The following DLG2 variants were observed in gnomAD, a reference collection of about 807,000 sequenced individuals.
The protein encoded by DLG2 is disks large homolog 2.
In DLG2, 45 loss-of-function variants were observed where a neutral mutation model predicts 132.5. That is an observed-to-expected ratio of 0.34 (90% confidence interval 0.27 to 0.44). DLG2 has a LOEUF of 0.44. Ranked by LOEUF, DLG2 falls within the 20% of genes least tolerant of loss-of-function variation. The pLI is 1.00. For synonymous variants in DLG2, 424 were observed against 419.6 expected (o/e 1.01, Z -0.13); for missense variants, 1,045 against 1,196.9 (o/e 0.87, Z 1.87).
chr11:84,840,780 G>A (rs368957451), intron 6 of DLG2, among the ~76,000 whole-genome samples: 9 of 151,990 alleles, frequency 5.9e-5, no homozygotes, highest in East Asian at 1.9e-4. Flanking sequence ...TCATAGCTGG[G>A]AATTGAACAA....
intron 6 of DLG2, among the ~76,000 whole-genome samples, chr11:84,792,798 G>C (rs184105376): frequency 5.2e-4 from 79 of 151,982 alleles, no homozygotes; most frequent in Non-Finnish European, 1.9e-4. Context: ...TTATTTATTT[G>C]GGTCTTCTCT....
chr11:84,114,818 A>G (rs2154195641), intron 9 of DLG2, among the ~76,000 whole-genome samples: 1 of 142,418 alleles, frequency 7.0e-6, no homozygotes, highest in African/African-American at 2.5e-5. Context: ...CAAACCATGA[A>G]GCCTGGCTAT....
chr11:84,991,482 C>T (rs1361806713), intron 6 of DLG2, among the ~76,000 whole-genome samples: 1 of 132,892 alleles, frequency 7.5e-6, no homozygotes, highest in Non-Finnish European at 1.5e-5. Context: ...ACATTTCAGC[C>T]TGGGCAACAG....
At chr11:84,625,039 T>C (rs2099620243) in intron 6 of DLG2, among the ~76,000 whole-genome samples, 1 of 149,766 alleles carries the variant, frequency 6.7e-6, no homozygotes, top group Admixed American at 6.6e-5. Flanking sequence ...TTTTTGTATT[T>C]TTAGTAGAGA....
chr11:84,976,603 T>C (rs1243674520), intron 6 of DLG2, among the ~76,000 whole-genome samples: 1 of 152,226 alleles, frequency 6.6e-6, no homozygotes, highest in Non-Finnish European at 1.5e-5. Context: ...CAAGGGTTTC[T>C]AGACTTCTAT....
At chr11:85,037,267 T>A (rs1195467565) in intron 6 of DLG2, among the ~76,000 whole-genome samples, 1 of 152,098 alleles carries the variant, frequency 6.6e-6, no homozygotes, top group Admixed American at 6.5e-5. Context: ...TGGTGGAAAA[T>A]GTATAGGCTT....
At chr11:83,474,710 A>C (rs1478509265) in intron 22 of DLG2, among the ~76,000 whole-genome samples, 2 of 152,104 alleles carry the variant, frequency 1.3e-5, no homozygotes, top group African/African-American at 4.8e-5. Flanking sequence ...CAGTCATGGG[A>C]AACAGGATGA....
chr11:85,069,626 T>G (rs1455810068), intron 6 of DLG2, among the ~76,000 whole-genome samples: 1 of 152,158 alleles, frequency 6.6e-6, no homozygotes, highest in Non-Finnish European at 1.5e-5. Context: ...ACCGTTAGAA[T>G]GGCAATCATT....
intron 11 of DLG2, among the ~76,000 whole-genome samples, chr11:84,008,878 G>C (rs2094718681): frequency 6.6e-6 from 1 of 151,036 alleles, no homozygotes; most frequent in African/African-American, 2.4e-5. Flanking sequence ...TCTCTTCTTT[G>C]TGCAGTTACA....
At chr11:85,428,797 T>TGCTTTTC (rs2090961627) in intron 3 of DLG2, among the ~76,000 whole-genome samples, 2 of 151,694 alleles carry the variant, frequency 1.3e-5, no homozygotes, top group Admixed American at 1.3e-4. Context: ...CTGAAGGAGA[T>TGCTTTTC]AGAGACACAA....
At chr11:84,876,715 C>T (rs1034530356) in intron 6 of DLG2, among the ~76,000 whole-genome samples, 1 of 152,040 alleles carries the variant, frequency 6.6e-6, no homozygotes, top group African/African-American at 2.4e-5. Flanking sequence ...TATTTCTTGT[C>T]TTCTGCTAGC....
chr11:84,532,582 A>G (rs1048235208), intron 7 of DLG2, among the ~76,000 whole-genome samples: 2 of 151,988 alleles, frequency 1.3e-5, no homozygotes, highest in African/African-American at 4.8e-5. Context: ...TCCAGCCTCA[A>G]CTTCCTGGGC....
At chr11:83,795,024 T>C (rs758077796) in intron 17 of DLG2, among the ~76,000 whole-genome samples, 2 of 152,218 alleles carry the variant, frequency 1.3e-5, no homozygotes, top group Admixed American at 6.5e-5. Context: ...TTAGATCATG[T>C]AGGGCTAAAG....
At chr11:84,583,106 T>C (rs529513018) in intron 6 of DLG2, among the ~76,000 whole-genome samples, 11 of 152,332 alleles carry the variant, frequency 7.2e-5, no homozygotes, top group South Asian at 6.2e-4. Flanking sequence ...CATTTCATCA[T>C]TGAAATACTC....
At chr11:84,792,426 A>T (rs2073989985) in intron 6 of DLG2, among the ~76,000 whole-genome samples, 1 of 152,106 alleles carries the variant, frequency 6.6e-6, no homozygotes, top group Admixed American at 6.5e-5. Context: ...GTATGAGGTT[A>T]ATACTGGCCG....
At chr11:85,371,884 T>A (rs1193656951) in intron 3 of DLG2, among the ~76,000 whole-genome samples, 1 of 152,250 alleles carries the variant, frequency 6.6e-6, no homozygotes, top group Non-Finnish European at 1.5e-5. Context: ...ATTCTTGCTC[T>A]ACTTTATGCA....
intron 3 of DLG2, among the ~76,000 whole-genome samples, chr11:85,448,738 A>T (rs1157522965): frequency 6.6e-6 from 1 of 152,174 alleles, no homozygotes; most frequent in East Asian, 1.9e-4. Context: ...TGGGGACCCA[A>T]TATTCAACAT....
At chr11:83,990,217 C>T (rs1047813788) in intron 11 of DLG2, among the ~76,000 whole-genome samples, 1 of 152,126 alleles carries the variant, frequency 6.6e-6, no homozygotes, top group Admixed American at 6.5e-5. Flanking sequence ...AATTTAAGCA[C>T]CTAATTGCTC....
At chr11:85,535,009 T>C (rs2075480351) in intron 3 of DLG2, among the ~76,000 whole-genome samples, 1 of 152,236 alleles carries the variant, frequency 6.6e-6, no homozygotes, top group South Asian at 2.1e-4. Flanking sequence ...TTGTTATTAT[T>C]TGACTTTTTA....
Sources: gnomAD v4.1 joint callset for allele counts (sites outside exome capture counted in the v4.1 genomes callset) on GRCh38, gnomAD v4.1.1 for gene constraint, MANE v1.5 for transcripts, NCBI Gene and HGNC (gene_info 2026-07-23, HGNC 2026-07-21) for gene names.